TSC22D1: variants seen among roughly 807,000 people sequenced by gnomAD.
TSC22D1 encodes TSC22 domain family protein 1.
TSC22D1 carries 9 observed loss-of-function variants against 74.2 expected under a neutral mutation model. The observed-to-expected ratio is 0.12, with a 90% CI of 0.07 to 0.21. TSC22D1 has a LOEUF of 0.21. TSC22D1 is among the 10% of genes least tolerant of loss of function. The pLI is 1.00. For synonymous variants in TSC22D1, 586 were observed against 492.5 expected, an observed-to-expected ratio of 1.19 and a Z score of -2.51; for missense variants, 1,427 against 1,304.7, an observed-to-expected ratio of 1.09 and a Z score of -1.44.
chr13:44,574,671 A>G lies in TSC22D1; in HGVS notation c.1404T>C (p.Ser468=). The G allele has an allele frequency of 6.2e-7, 1 of 1,613,764 alleles. No homozygotes were observed. The highest frequency in any genetic ancestry group is 8.5e-7 in the Non-Finnish European group (1 of 1,179,964). ...VTSERESTSG[S]SVSSSVSTLS... ...GTGTGCTGACACTACTGCTCACTGA[A>G]CTCCCACTAGTGCTCTCCCTTTCAG... Residue 468 remains serine, a synonymous_variant, in exon 1 of 3, where the codon AGT becomes AGC. Coordinates refer to ENST00000458659, the MANE Select transcript of TSC22D1 (RefSeq NM_183422.4).
At chr13:44,529,364 A>T (rs1880712941) in intron 1 of TSC22D1, among the ~76,000 whole-genome samples, 1 of 152,066 alleles carries the variant, frequency 6.6e-6, no homozygotes, top group Admixed American at 6.5e-5. Flanking sequence ...CATGACAAAA[A>T]TCCAACATCC....
At chr13:44,482,881 T>C (rs1878246118) in intron 1 of TSC22D1, among the ~76,000 whole-genome samples, 1 of 152,206 alleles carries the variant, frequency 6.6e-6, no homozygotes, top group Non-Finnish European at 1.5e-5. Flanking sequence ...CTTACTAATA[T>C]GCCAGATGTT....
intron 1 of TSC22D1, among the ~76,000 whole-genome samples, chr13:44,471,372 T>C (rs1471066707): frequency 6.6e-6 from 1 of 152,228 alleles, no homozygotes; most frequent in Non-Finnish European, 1.5e-5. Flanking sequence ...GATGTGGAAA[T>C]GCAATTGTGT....
rs936294570 is a variant in TSC22D1, at chr13:44,538,543, G to A, written c.2912+34620C>T. ...TTAAATGAAACAGATACAGAGAGCC[G>A]CTTTTAAAAGAAAGGAGTCTCTCAA... On this transcript the variant is annotated intron_variant, in intron 1 of 2. Coordinates refer to ENST00000458659, the MANE Select transcript of TSC22D1 (RefSeq NM_183422.4). The A allele has an allele frequency of 3.0e-5, 30 of 985,262 alleles. No individual in the cohort carries two copies. The East Asian group carries it at 7.9e-4, about 26-fold the overall frequency. The allele number at this position is 985,262 out of a possible 1,614,324, so 61.0% of individuals were successfully genotyped here. A position where few individuals can be genotyped will look rare whatever the true frequency, so the allele number is the denominator to read the frequency against.
chr13:44,511,611 AAAAG>A (rs762513666), intron 1 of TSC22D1, among the ~76,000 whole-genome samples: 88 of 124,146 alleles, frequency 7.1e-4, no homozygotes, highest in Non-Finnish European at 1.2e-3. Context: ...TTTCTGAATA[AAAAG>A]AAATACACAC....
chr13:44,457,571 G>T (rs189677424), intron 1 of TSC22D1, among the ~76,000 whole-genome samples: 1 of 114,432 alleles, frequency 8.7e-6, no homozygotes, highest in African/African-American at 3.4e-5. Flanking sequence ...GCTGCAAAAA[G>T]AGCAACCCCT....
intron 1 of TSC22D1, among the ~76,000 whole-genome samples, chr13:44,456,865 A>C (rs1211165625): frequency 6.6e-6 from 1 of 152,222 alleles, no homozygotes; most frequent in Non-Finnish European, 1.5e-5. Context: ...GAAAGAAAAT[A>C]AATAACAGCT....
At chr13:44,469,879 C>T (rs1299287372) in intron 1 of TSC22D1, among the ~76,000 whole-genome samples, 1 of 152,156 alleles carries the variant, frequency 6.6e-6, no homozygotes, top group Admixed American at 6.5e-5. Flanking sequence ...GCTAATTTAT[C>T]AGTTATTTCC....
intron 1 of TSC22D1, among the ~76,000 whole-genome samples, chr13:44,554,781 C>CGCAAACT: frequency 6.6e-6 from 1 of 152,102 alleles, no homozygotes; most frequent in Middle Eastern, 3.4e-3. Context: ...TGACCCTGAC[C>CGCAAACT]GCAAACTGCA....
chr13:44,521,967 A>C (rs1047389841), intron 1 of TSC22D1, among the ~76,000 whole-genome samples: 9 of 152,216 alleles, frequency 5.9e-5, no homozygotes, highest in Admixed American at 4.6e-4. Flanking sequence ...AACAATAGCA[A>C]ACAAGACAGA....
At chr13:44,446,856 A>AG (rs1232665598) in intron 1 of TSC22D1, among the ~76,000 whole-genome samples, 9 of 49,352 alleles carry the variant, frequency 1.8e-4, no homozygotes, top group Non-Finnish European at 4.7e-4. Flanking sequence ...AAGAAGAGGA[A>AG]AAGAAGAAGA....
chr13:44,517,857 A>ATATATATTTTT (rs10627677), intron 1 of TSC22D1, among the ~76,000 whole-genome samples: 1 of 16,172 alleles, frequency 6.2e-5, no homozygotes, highest in Non-Finnish European at 1.4e-4. Flanking sequence ...ATATATATAT[A>ATATATATTTTT]TTTTTTTTTT....
At chr13:44,436,809 G>A (rs1874693942) in intron 1 of TSC22D1, 7 of 1,386,600 alleles carry the variant, frequency 5.0e-6, no homozygotes, top group South Asian at 1.9e-5. Context: ...TCCCAGTGCC[G>A]TGAAGAGGCG....
chr13:44,486,474 G>A (rs1878432055), intron 1 of TSC22D1, among the ~76,000 whole-genome samples: 1 of 152,044 alleles, frequency 6.6e-6, no homozygotes, highest in South Asian at 2.1e-4. Context: ...ACTGAATATA[G>A]ATAAACAGAC....
chr13:44,551,861 A>G (rs929028818), intron 1 of TSC22D1, among the ~76,000 whole-genome samples: 29 of 152,188 alleles, frequency 1.9e-4, no homozygotes, highest in African/African-American at 7.0e-4. Flanking sequence ...TGATTGTGCC[A>G]CTACACTCTA....
intron 1 of TSC22D1, among the ~76,000 whole-genome samples, chr13:44,501,287 G>A (rs893543289): frequency 5.9e-5 from 9 of 152,124 alleles, no homozygotes; most frequent in African/African-American, 1.9e-4. Flanking sequence ...ATATCCCAAC[G>A]ATAGGAAATC....
At chr13:44,512,794 C>T (rs144091005) in intron 1 of TSC22D1, among the ~76,000 whole-genome samples, 3 of 152,260 alleles carry the variant, frequency 2.0e-5, no homozygotes, top group East Asian at 1.9e-4. Flanking sequence ...GGACTACAGG[C>T]GTGCGCCATC....
intron 1 of TSC22D1, chr13:44,536,953 A>AAAAAAAC: frequency 1.1e-6 from 1 of 874,118 alleles, no homozygotes; most frequent in Non-Finnish European, 1.4e-6. Flanking sequence ...AAAAAAAAAA[A>AAAAAAAC]AAAAAACAAA....
chr13:44,443,441 A>G (rs535736384), intron 1 of TSC22D1, among the ~76,000 whole-genome samples: 94 of 152,336 alleles, frequency 6.2e-4, no homozygotes, highest in Non-Finnish European at 8.2e-4. Context: ...TTCAGACAGA[A>G]GGAAAATGAT....
Sources: gnomAD v4.1 joint callset for allele counts (sites outside exome capture counted in the v4.1 genomes callset) on GRCh38, gnomAD v4.1.1 for gene constraint, MANE v1.5 for transcripts, NCBI Gene and HGNC (gene_info 2026-07-23, HGNC 2026-07-21) for gene names.